AGXT2: variants seen among roughly 807,000 people sequenced by gnomAD.
AGXT2 encodes the protein alanine--glyoxylate aminotransferase 2, mitochondrial.
In AGXT2, 61 loss-of-function variants were observed where a neutral mutation model predicts 62.5. That is an observed-to-expected ratio of 0.98 (90% confidence interval 0.79 to 1.21). The LOEUF is 1.21. Among genes scored for constraint, AGXT2 ranks in the 50% most tolerant of loss-of-function variants. The probability of loss-of-function intolerance (pLI) is 0.00; values close to 1 mark genes in which losing one functional copy is unlikely to be tolerated. For synonymous variants in AGXT2, 243 were observed against 218.7 expected (o/e 1.11, Z -0.98); for missense variants, 666 against 641.5 (o/e 1.04, Z -0.41).
chr5:35,023,138 T>A (rs2112234311), intron 9 of AGXT2, among the ~76,000 whole-genome samples: 3 of 149,958 alleles, frequency 2.0e-5, no homozygotes, highest in African/African-American at 7.3e-5. Flanking sequence ...TGCTTCATTT[T>A]TAATAAAATT....
chr5:35,037,709 G>A (rs374417814), intron 3 of AGXT2, among the ~76,000 whole-genome samples: 157 of 152,296 alleles, frequency 1.0e-3, no homozygotes, highest in Non-Finnish European at 1.8e-3. Context: ...ATGCTACCAC[G>A]TCTGACTAAG....
intron 9 of AGXT2, among the ~76,000 whole-genome samples, chr5:35,017,773 C>A (rs1185878820): frequency 6.6e-6 from 1 of 152,102 alleles, no homozygotes; most frequent in Non-Finnish European, 1.5e-5. Context: ...TCAAATTACT[C>A]CAAGCTATGA....
At chr5:35,020,525 C>A (rs547769164) in intron 9 of AGXT2, among the ~76,000 whole-genome samples, 16 of 151,898 alleles carry the variant, frequency 1.1e-4, no homozygotes, top group African/African-American at 2.9e-4. Flanking sequence ...ATTCAACAAC[C>A]CTTCATGCTA....
chr5:35,010,261 C>G, intron 11 of AGXT2, 112 bp from the exon 12 acceptor site: 3 of 1,330,958 alleles, frequency 2.3e-6, no homozygotes, highest in Non-Finnish European at 3.2e-6. Context: ...AAACAGAATG[C>G]AGAACAAGTC....
intron 7 of AGXT2, among the ~76,000 whole-genome samples, chr5:35,027,565 T>C (rs1382978379): frequency 1.3e-5 from 2 of 152,200 alleles, no homozygotes; most frequent in African/African-American, 2.4e-5. Flanking sequence ...ATTAAACATA[T>C]TCATTTTATA....
At chr5:35,022,247 C>T (rs1268978441) in intron 9 of AGXT2, among the ~76,000 whole-genome samples, 1 of 152,158 alleles carries the variant, frequency 6.6e-6, no homozygotes, top group Non-Finnish European at 1.5e-5. Context: ...GACTATAAAT[C>T]ACGCTGCTAT....
At chr5:35,020,453 G>A (rs1284286542) in intron 9 of AGXT2, among the ~76,000 whole-genome samples, 3 of 152,062 alleles carry the variant, frequency 2.0e-5, no homozygotes, top group African/African-American at 4.8e-5. Flanking sequence ...CAGCATATAA[G>A]CAGAACCAAA....
chr5:35,028,876 C>T (rs1394144232), intron 7 of AGXT2, among the ~76,000 whole-genome samples: 4 of 152,172 alleles, frequency 2.6e-5, no homozygotes, highest in Non-Finnish European at 5.9e-5. Context: ...TGCTTAGAGG[C>T]ATGGATGCAG....
intron 1 of AGXT2, among the ~76,000 whole-genome samples, chr5:35,041,551 ATCAGAACG>A (rs1383158299): frequency 6.6e-6 from 1 of 152,170 alleles, no homozygotes; most frequent in African/African-American, 2.4e-5. Context: ...GAATAATGGA[ATCAGAACG>A]TCAGAGCTGG....
intron 9 of AGXT2, among the ~76,000 whole-genome samples, chr5:35,017,021 A>G (rs1231128211): frequency 2.0e-5 from 3 of 152,208 alleles, no homozygotes; most frequent in African/African-American, 7.2e-5. Context: ...TCAGTTTTCT[A>G]ACTTTAATCC....
At position 35,025,831 on chromosome 5, in the gene AGXT2, G is replaced by T. The variant is rs779481356; in HGVS notation, c.895C>A (p.Pro299Thr). 1.9e-6 allele frequency: 3 copies of T among 1,614,038 alleles called. No homozygotes were observed. Among genetic ancestry groups the T allele is most frequent in the Admixed American group, 3.3e-5 (2 of 60,014 alleles). Residue 299 changes from proline to threonine, a missense_variant, in exon 9 of 14, where the codon CCA (proline) becomes ACA (threonine). Transcript: ENST00000231420. ...IQGVNGVVQY[P>T]KGFLKEAFEL... ...AAGGCTTCCTTTAGAAACCCCTTTGGGTACTGGACAACTCCATTCACACCC... is the reference window on the plus strand; with the variant it reads ...AAGGCTTCCTTTAGAAACCCCTTTGTGTACTGGACAACTCCATTCACACCC...
chr5:35,047,938 C>G lies in AGXT2; in HGVS notation c.-46G>C. 1 of 1,612,306 alleles carries G rather than the reference C, an allele frequency of 6.2e-7. No homozygotes were observed. The highest frequency in any genetic ancestry group is 8.5e-7 in the Non-Finnish European group (1 of 1,179,218). On this transcript the variant is annotated 5_prime_UTR_variant, in exon 1 of 14. Transcript: ENST00000231420. Reference sequence around the variant, plus strand: ...ACCCCCATGGAAGCAGATTGGAGGCCGGGCTCTAACTGCTCACTATCCTGC... The same window carrying G: ...ACCCCCATGGAAGCAGATTGGAGGCGGGGCTCTAACTGCTCACTATCCTGC...
At chr5:35,007,286 G>A (rs1352149916) in intron 12 of AGXT2, among the ~76,000 whole-genome samples, 2 of 152,230 alleles carry the variant, frequency 1.3e-5, no homozygotes, top group Non-Finnish European at 2.9e-5. Context: ...CCAGAACCAT[G>A]AGGAATACAT....
chr5:35,025,852 C>T lies in AGXT2; in HGVS notation c.874G>A (p.Val292Met), dbSNP rs572476370. 5 of 1,614,114 alleles carry T rather than the reference C, an allele frequency of 3.1e-6. No individual in the cohort carries two copies. In the South Asian group the frequency reaches 4.4e-5, roughly 14 times the overall value. Residue 292 changes from valine (V) to methionine (M), a missense_variant, in exon 9 of 14, where the codon GTG (valine) becomes ATG (methionine). Val to Met is a conservative substitution (Grantham distance 21, BLOSUM62 1). Coordinates refer to ENST00000231420, the MANE Select transcript of AGXT2 (RefSeq NM_031900.4). ...TTTGGGTACTGGACAACTCCATTCA[C>T]ACCCTGCAAAAGACCAGACCAAGAA... Reference protein sequence around the residue: ...AGFFAEPIQGVNGVVQYPKGF... With the variant: ...AGFFAEPIQGMNGVVQYPKGF...
chr5:35,002,950 G>A (rs566155421), intron 13 of AGXT2, among the ~76,000 whole-genome samples: 1 of 152,338 alleles, frequency 6.6e-6, no homozygotes, highest in East Asian at 1.9e-4. Context: ...TGGGAAGGAT[G>A]AGGAATGTTT....
chr5:35,039,805 T>G (rs1197288692), intron 2 of AGXT2, among the ~76,000 whole-genome samples: 1 of 152,210 alleles, frequency 6.6e-6, no homozygotes, highest in South Asian at 2.1e-4. Flanking sequence ...AAAAATAGAC[T>G]TCGGAAGTAA....
At chr5:35,002,600 TG>T (rs1216017043) in intron 13 of AGXT2, among the ~76,000 whole-genome samples, 2 of 152,202 alleles carry the variant, frequency 1.3e-5, no homozygotes, top group Non-Finnish European at 2.9e-5. Flanking sequence ...GGAGCTCTCT[TG>T]CCCCTTCTGC....
chr5:35,035,387 AG>A, intron 4 of AGXT2, 71 bp from the exon 5 acceptor site: 2 of 1,319,530 alleles, frequency 1.5e-6, no homozygotes, highest in Non-Finnish European at 2.2e-6. Context: ...AAATTGCTGA[AG>A]GGCAGGTGTC....
At chr5:35,004,419 T>C (rs1157386740) in intron 12 of AGXT2, among the ~76,000 whole-genome samples, 1 of 152,026 alleles carries the variant, frequency 6.6e-6, no homozygotes. Context: ...TCCTCCAGGG[T>C]TAGGAAAGGT....
Sources: allele counts gnomAD v4.1 joint callset (sites outside exome capture counted in the v4.1 genomes callset), GRCh38; gene constraint gnomAD v4.1.1; transcripts MANE v1.5; gene names NCBI Gene and HGNC (gene_info 2026-07-23, HGNC 2026-07-21).